Variants in DIP2C observed in about 807,000 individuals in gnomAD.
The protein encoded by DIP2C is disco-interacting protein 2 homolog C.
In DIP2C, 33 loss-of-function variants were observed where a neutral mutation model predicts 192.4. That is an observed-to-expected ratio of 0.17 (90% CI 0.13 to 0.23). The LOEUF (loss-of-function observed/expected upper bound fraction) is 0.23, where lower values mean the gene tolerates loss of function less well. Ranked by LOEUF, DIP2C falls within the 10% of genes least tolerant of loss-of-function variation. The pLI is 1.00. For missense variants in DIP2C, 1,537 were observed against 2,110.1 expected, an observed-to-expected ratio of 0.73 and a Z score of 5.32; for synonymous variants, 979 against 864.1, an observed-to-expected ratio of 1.13 and a Z score of -2.33.
intron 1 of DIP2C, among the ~76,000 whole-genome samples, chr10:533,384 C>T (rs1847524951): frequency 6.6e-6 from 1 of 152,136 alleles, no homozygotes; most frequent in African/African-American, 2.4e-5. Flanking sequence ...TTTCTCAAGG[C>T]CGCACAGCCC....
At chr10:316,881 T>C (rs1212020381) in intron 31 of DIP2C, among the ~76,000 whole-genome samples, 1 of 152,212 alleles carries the variant, frequency 6.6e-6, no homozygotes, top group East Asian at 1.9e-4. Flanking sequence ...TCCTGGCTCC[T>C]CTGCCATGGG....
intron 2 of DIP2C, among the ~76,000 whole-genome samples, chr10:483,775 T>C (rs919084319): frequency 6.6e-6 from 1 of 151,646 alleles, no homozygotes; most frequent in East Asian, 1.9e-4. Flanking sequence ...GAGACCCCAG[T>C]GGCCAACTGT....
Position 585,105 on chromosome 10 carries a change from T to C in DIP2C, c.86-98575A>G, listed in dbSNP as rs1850935709. ...CATCACCTCTCCAGCAGAAAGAGCC[T>C]TGGACACCATTCAAATGGTAAGGAA... is the stretch of plus-strand genomic sequence containing the variant. On this transcript the variant is annotated intron_variant, in intron 1 of 36. Coordinates refer to ENST00000280886, the MANE Select transcript of DIP2C (RefSeq NM_014974.3). Among the ~76,000 whole-genome samples the C allele has an allele frequency of 2.0e-5, 3 of 152,198 alleles. No homozygotes were observed. The South Asian group carries it at 6.2e-4, about 32-fold the overall frequency.
At position 532,544 on chromosome 10, in the gene DIP2C, TGAGAGAGTATGGGTGA is replaced by T. The variant is rs1564824364; in HGVS notation, c.86-46030_86-46015del. On this transcript the variant is annotated intron_variant, in intron 1 of 36. Transcript: ENST00000280886. Reference sequence around the variant, plus strand: ...GTGGGTGTGTGAGAGAGTATGGGTGTGAGAGAGTATGGGTGAGAGAGAGAGTATGGGTGTGAGAGAG... The same window carrying T: ...GTGGGTGTGTGAGAGAGTATGGGTGTGAGAGAGAGTATGGGTGTGAGAGAG... 6.8e-3 allele frequency among the ~76,000 whole-genome samples: 767 copies of T among 113,304 alleles called. 18 individuals are homozygous for T. Among genetic ancestry groups the T allele is most frequent in the Middle Eastern group, 0.021 (4 of 192 alleles). 74.3% of individuals were successfully genotyped at this position (113,304 alleles called of 152,430 possible).
At chr10:522,311 T>C (rs1316016452) in intron 1 of DIP2C, among the ~76,000 whole-genome samples, 2 of 152,242 alleles carry the variant, frequency 1.3e-5, no homozygotes, top group African/African-American at 4.8e-5. Flanking sequence ...GTACCACAGT[T>C]TATCCATTCA....
intron 29 of DIP2C, 143 bp downstream of exon 29, chr10:341,056 T>C (rs1295316637): frequency 7.7e-6 from 9 of 1,170,886 alleles, no homozygotes; most frequent in South Asian, 6.4e-5. Flanking sequence ...CCAGGAGAAG[T>C]AGAGGGACAC....
At chr10:536,951 C>G (rs1056692053) in intron 1 of DIP2C, among the ~76,000 whole-genome samples, 1 of 152,190 alleles carries the variant, frequency 6.6e-6, no homozygotes, top group African/African-American at 2.4e-5. Context: ...TGCCGTGACA[C>G]CACCACCCAT....
At chr10:443,983 T>C (rs1169371741) in intron 3 of DIP2C, among the ~76,000 whole-genome samples, 1 of 152,220 alleles carries the variant, frequency 6.6e-6, no homozygotes, top group Non-Finnish European at 1.5e-5. Flanking sequence ...ATTACCCTGA[T>C]CAAATCTTTT....
At chr10:384,246 C>G in intron 15 of DIP2C, 100 bp from the exon 16 acceptor site, 1 of 942,864 alleles carries the variant, frequency 1.1e-6, no homozygotes, top group Non-Finnish European at 1.5e-6. Context: ...GGTGAAGAAT[C>G]ACTGGTCACC....
intron 29 of DIP2C, 30 bp downstream of exon 29, chr10:341,169 T>C (rs750030853): frequency 1.3e-4 from 213 of 1,613,350 alleles, no homozygotes; most frequent in Non-Finnish European, 1.7e-4. Flanking sequence ...ATGATTTTTT[T>C]TAATGTAAAG....
At chr10:298,827 C>T (rs1299873365) in intron 32 of DIP2C, among the ~76,000 whole-genome samples, 1 of 152,242 alleles carries the variant, frequency 6.6e-6, no homozygotes, top group African/African-American at 2.4e-5. Flanking sequence ...CCCTCCAGTT[C>T]CTCAGGCACC....
intron 1 of DIP2C, among the ~76,000 whole-genome samples, chr10:586,655 G>A (rs1231060533): frequency 6.6e-6 from 1 of 152,180 alleles, no homozygotes; most frequent in Non-Finnish European, 1.5e-5. Context: ...ATTTTTGTGA[G>A]GAAACTTTCA....
intron 1 of DIP2C, among the ~76,000 whole-genome samples, chr10:583,354 T>C (rs1412896149): frequency 2.6e-5 from 4 of 152,244 alleles, no homozygotes; most frequent in Non-Finnish European, 5.9e-5. Flanking sequence ...AAAGTTTATA[T>C]GGAATGAATT....
rs567675246 is a variant in DIP2C, at chr10:627,779, C to T, written c.85+61715G>A. Among the ~76,000 whole-genome samples, 12 of 152,378 alleles carry T rather than the reference C, an allele frequency of 7.9e-5. No homozygotes were observed. In the South Asian group the frequency reaches 2.3e-3, roughly 29 times the overall value. ...TGCCAGACGTCACAAACAGACCGCACGGCTCAGCCACGTGGACGCTTACAG... is the reference window on the plus strand; with the variant it reads ...TGCCAGACGTCACAAACAGACCGCATGGCTCAGCCACGTGGACGCTTACAG... On this transcript the variant is annotated intron_variant, in intron 1 of 36. Coordinates refer to ENST00000280886, the MANE Select transcript of DIP2C (RefSeq NM_014974.3).
chr10:456,834 T>G (rs929596044), intron 3 of DIP2C, among the ~76,000 whole-genome samples: 1 of 152,216 alleles, frequency 6.6e-6, no homozygotes, highest in Non-Finnish European at 1.5e-5. Context: ...TGTGGAGAGT[T>G]GTGCAAAATG....
intron 8 of DIP2C, among the ~76,000 whole-genome samples, chr10:409,314 A>AG (rs1324557567): frequency 1.1e-4 from 16 of 142,952 alleles, no homozygotes; most frequent in South Asian, 2.2e-4. Context: ...GGGGGTGGCG[A>AG]GGGGGGGCGC....
intron 10 of DIP2C, among the ~76,000 whole-genome samples, chr10:395,778 G>C (rs534125086): frequency 6.6e-6 from 1 of 152,322 alleles, no homozygotes; most frequent in Admixed American, 6.5e-5. Flanking sequence ...ATGTCCTGGA[G>C]GTGAGGGACA....
chr10:288,234 A>G, intron 33 of DIP2C, 130 bp downstream of exon 33: 3 of 884,052 alleles, frequency 3.4e-6, no homozygotes, highest in East Asian at 2.5e-5. Context: ...TTCTATACTC[A>G]CTGATATGTT....
intron 23 of DIP2C, 39 bp from the exon 24 acceptor site, chr10:356,545 T>G (rs201131772): frequency 6.3e-7 from 1 of 1,578,066 alleles, no homozygotes; most frequent in Non-Finnish European, 8.6e-7. Flanking sequence ...GGCTGTGCGG[T>G]TGGATCAGGC....
Sources: gnomAD v4.1 joint callset for allele counts (sites outside exome capture counted in the v4.1 genomes callset) on GRCh38, gnomAD v4.1.1 for gene constraint, MANE v1.5 for transcripts, NCBI Gene and HGNC (gene_info 2026-07-23, HGNC 2026-07-21) for gene names.